The following CSMD2 variants were observed in gnomAD, a reference collection of about 807,000 sequenced individuals.
CSMD2 encodes CUB and Sushi multiple domains 2.
Under a neutral mutation model 398.5 loss-of-function variants are expected in CSMD2, and 130 were observed. The ratio of observed to expected loss-of-function variants is 0.33; its 90% CI spans 0.28 to 0.38. CSMD2 has a LOEUF of 0.38. Ranked by LOEUF, CSMD2 falls within the 10% of genes least tolerant of loss-of-function variation. CSMD2 has a pLI of 1.00. For synonymous variants in CSMD2, 1,828 were observed against 1,908.5 expected, an observed-to-expected ratio of 0.96 and a Z score of 1.10; for missense variants, 3,829 against 4,764.9, an observed-to-expected ratio of 0.80 and a Z score of 5.78.
chr1:33,823,392 CTT>C (rs10578010), intron 7 of CSMD2, among the ~76,000 whole-genome samples: 97,109 of 149,320 alleles, frequency 0.65, 31,705 homozygotes, highest in African/African-American at 0.76. Context: ...TTCTCCCTTT[CTT>C]TTTTTTTTTT....
intron 7 of CSMD2, among the ~76,000 whole-genome samples, chr1:33,823,760 T>G (rs1006240338): frequency 6.6e-6 from 1 of 152,224 alleles, no homozygotes; most frequent in Admixed American, 6.5e-5. Context: ...ACCCATTCTT[T>G]CTGAGGAACT....
At chr1:33,659,094 C>A (rs1211593593) in intron 26 of CSMD2, among the ~76,000 whole-genome samples, 4 of 152,122 alleles carry the variant, frequency 2.6e-5, no homozygotes, top group Admixed American at 1.3e-4. Context: ...GAGAAGAATT[C>A]AAAAATAGCT....
chr1:34,039,212 G>A lies in CSMD2; in HGVS notation c.405-6506C>T, dbSNP rs1651537981. On this transcript the variant is annotated intron_variant, in intron 2 of 70. Coordinates refer to ENST00000373381, the MANE Select transcript of CSMD2 (RefSeq NM_001281956.2). ...CACCTCCCACCCCTGTGGAGGTCAG[G>A]CCTGGCCATGACACCAGCTTGGCCA... 2.0e-5 allele frequency among the ~76,000 whole-genome samples: 3 copies of A among 152,278 alleles called. No individual in the cohort carries two copies. In the South Asian group the frequency reaches 6.2e-4, roughly 32 times the overall value.
At chr1:34,055,018 C>T (rs1280581776) in intron 2 of CSMD2, among the ~76,000 whole-genome samples, 1 of 152,128 alleles carries the variant, frequency 6.6e-6, no homozygotes, top group Non-Finnish European at 1.5e-5. Flanking sequence ...ACAACACCCA[C>T]ACAGGAAATA....
intron 2 of CSMD2, among the ~76,000 whole-genome samples, chr1:34,080,928 A>AAGAAAGAAAGAG (rs1657003010): frequency 1.9e-5 from 1 of 51,752 alleles, no homozygotes; most frequent in Non-Finnish European, 3.6e-5. Context: ...AGTGGAAAGA[A>AAGAAAGAAAGAG]AGAAAGAAAG....
chr1:33,701,507 G>A (rs1251316711), intron 22 of CSMD2, among the ~76,000 whole-genome samples: 1 of 152,236 alleles, frequency 6.6e-6, no homozygotes, highest in Non-Finnish European at 1.5e-5. Flanking sequence ...TATCAAAGAT[G>A]GGATCTCTGA....
chr1:34,020,507 C>T (rs1444468932), intron 3 of CSMD2, among the ~76,000 whole-genome samples: 3 of 152,142 alleles, frequency 2.0e-5, no homozygotes, highest in South Asian at 2.1e-4. Context: ...CAAGGAGATG[C>T]CCCAGCGTCA....
chr1:33,897,671 G>A (rs1015968501), intron 5 of CSMD2, among the ~76,000 whole-genome samples: 2 of 152,308 alleles, frequency 1.3e-5, no homozygotes, highest in African/African-American at 4.8e-5. Context: ...ACTGTACTGT[G>A]GAATCACCCA....
chr1:33,941,813 C>A (rs897255073), intron 3 of CSMD2, among the ~76,000 whole-genome samples: 1 of 151,852 alleles, frequency 6.6e-6, no homozygotes, highest in African/African-American at 2.4e-5. Flanking sequence ...CTCCATTCAA[C>A]TGATATATAT....
intron 5 of CSMD2, among the ~76,000 whole-genome samples, chr1:33,857,307 T>C (rs1639169879): frequency 6.6e-6 from 1 of 152,186 alleles, no homozygotes; most frequent in South Asian, 2.1e-4. Context: ...TCTCTTCTTG[T>C]ATTGCTTGCT....
At chr1:34,145,882 G>C (rs763542342) in intron 1 of CSMD2, among the ~76,000 whole-genome samples, 2 of 152,142 alleles carry the variant, frequency 1.3e-5, no homozygotes, top group Non-Finnish European at 2.9e-5. Context: ...CCAAGAGCTG[G>C]CTGGGAAAGT....
chr1:33,542,986 T>G, intron 57 of CSMD2, 90 bp from the exon 58 acceptor site: 1 of 1,079,108 alleles, frequency 9.3e-7, no homozygotes, highest in Non-Finnish European at 1.3e-6. Flanking sequence ...AGCCACATGC[T>G]ACCTCGGGAC....
At chr1:33,658,217 T>C (rs907883593) in intron 26 of CSMD2, 80 bp from the exon 27 acceptor site, 1 of 1,246,810 alleles carries the variant, frequency 8.0e-7, no homozygotes, top group Non-Finnish European at 1.1e-6. Context: ...TCACCCTCAC[T>C]GATTGCCATC....
At chr1:33,720,276 G>A (rs1646315811) in intron 19 of CSMD2, among the ~76,000 whole-genome samples, 1 of 152,196 alleles carries the variant, frequency 6.6e-6, no homozygotes. Flanking sequence ...ATCTCTCACA[G>A]AGCTCCTAGT....
chr1:33,577,179 G>A, intron 49 of CSMD2, 117 bp downstream of exon 49: 1 of 962,960 alleles, frequency 1.0e-6, no homozygotes, highest in South Asian at 1.8e-5. Flanking sequence ...CTTGTGGAAA[G>A]AATGAAATAA....
intron 2 of CSMD2, among the ~76,000 whole-genome samples, chr1:34,080,905 G>A (rs1252363880): frequency 7.7e-6 from 1 of 129,198 alleles, no homozygotes; most frequent in Middle Eastern, 4.2e-3. Flanking sequence ...CAAACTTCTG[G>A]CAAGACTAAC....
intron 1 of CSMD2, among the ~76,000 whole-genome samples, chr1:34,129,837 TC>T (rs967791967): frequency 2.0e-4 from 30 of 151,894 alleles, no homozygotes; most frequent in African/African-American, 7.0e-4. Flanking sequence ...GCCTGCAGAG[TC>T]AGACAAAACT....
intron 3 of CSMD2, among the ~76,000 whole-genome samples, chr1:33,968,249 G>A (rs916633922): frequency 2.0e-5 from 3 of 152,134 alleles, no homozygotes; most frequent in Admixed American, 1.3e-4. Context: ...TGGGAGCTGG[G>A]GTGAGTCTTA....
rs547026533 is a variant in CSMD2 at position 34,063,955 on chromosome 1, T to C, written c.404+25022A>G. Among the ~76,000 whole-genome samples, 5 of 152,332 alleles carry C rather than the reference T, an allele frequency of 3.3e-5. No individual in the cohort carries two copies. In the East Asian group the frequency reaches 7.7e-4, roughly 24 times the overall value. On this transcript the variant is annotated intron_variant, in intron 2 of 70. Coordinates refer to ENST00000373381, the MANE Select transcript of CSMD2 (RefSeq NM_001281956.2). ...AACACCACATGGAAGCTGCCAAGGC[T>C]TGGGGCTTCCACCCTCTGAAGCCAC...
Sources: gnomAD v4.1 joint callset for allele counts (sites outside exome capture counted in the v4.1 genomes callset) on GRCh38, gnomAD v4.1.1 for gene constraint, MANE v1.5 for transcripts, NCBI Gene and HGNC (gene_info 2026-07-23, HGNC 2026-07-21) for gene names.